The following GBP2 variants were observed in gnomAD, a reference collection of about 807,000 sequenced individuals.
GBP2 encodes the protein guanylate-binding protein 2.
GBP2 carries 54 observed loss-of-function variants against 60.8 expected under a neutral mutation model. The ratio of observed to expected loss-of-function variants is 0.89; its 90% CI spans 0.71 to 1.11. GBP2 has a LOEUF of 1.11. Among genes scored for constraint, GBP2 ranks in the 50% most tolerant of loss-of-function variants. The pLI, the probability that GBP2 is intolerant of heterozygous loss-of-function variation, is 0.00. For synonymous variants in GBP2, 243 were observed against 256.5 expected (o/e 0.95, Z 0.50); for missense variants, 665 against 703.3 (o/e 0.95, Z 0.62).
chr1:89,121,652 C>T, intron 2 of GBP2, 125 bp downstream of exon 2: 1 of 973,668 alleles, frequency 1.0e-6, no homozygotes, highest in East Asian at 2.6e-5. Context: ...GTAAAGAGCC[C>T]ATTAATGGAC....
chr1:89,117,251 T>C lies in GBP2; in HGVS notation c.626-17A>G. ...TATCAGTACCTACAGGAATGAAAAT[T>C]AGAAGTAGTAAAACTTCAAATTAAT... is the stretch of plus-strand genomic sequence containing the variant. On this transcript the variant is annotated splice_polypyrimidine_tract_variant and intron_variant, in intron 5 of 10. Coordinates refer to ENST00000370466, the MANE Select transcript of GBP2 (RefSeq NM_004120.5). 6.3e-7 allele frequency: 1 copy of C among 1,596,036 alleles called. No individual in the cohort carries two copies. Among genetic ancestry groups the C allele is most frequent in the Non-Finnish European group, 8.6e-7 (1 of 1,164,822 alleles).
At position 89,114,292 on chromosome 1, in the gene GBP2, T is replaced by C. The variant is rs780318939; in HGVS notation, c.873A>G (p.Leu291=). 2 of 1,611,398 alleles carry C rather than the reference T, an allele frequency of 1.2e-6. No individual in the cohort carries two copies. The highest frequency in any genetic ancestry group is 2.2e-5 in the East Asian group (1 of 44,830). ...SGGIPVNGPR[L]ESLVLTYVNA... is the part of the protein sequence containing the mutation. ...TGACGTAGGTCAGCACCAGGCTCTC[T>C]AGACCTGCAAAAGGGAATTTTTAAA... Residue 291 remains leucine, a synonymous_variant, in exon 7 of 11, where the codon CTA becomes CTG. Coordinates refer to ENST00000370466, the MANE Select transcript of GBP2 (RefSeq NM_004120.5).
At chr1:89,108,646 AAGAT>A (rs1002558884) in intron 10 of GBP2, among the ~76,000 whole-genome samples, 5 of 152,148 alleles carry the variant, frequency 3.3e-5, no homozygotes, top group African/African-American at 1.2e-4. Context: ...GAAGGTATGA[AAGAT>A]AGATGATTTC....
intron 1 of GBP2, 74 bp from the exon 2 acceptor site, chr1:89,122,057 G>A (rs2100620636): frequency 8.9e-7 from 1 of 1,121,662 alleles, no homozygotes; most frequent in East Asian, 2.8e-5. Context: ...TACAATATGG[G>A]TTAAATTTTT....
Position 89,117,666 on chromosome 1 carries a change from G to A in GBP2, c.536C>T (p.Thr179Ile). The A allele has an allele frequency of 6.2e-7, 1 of 1,614,012 alleles. No individual in the cohort carries two copies. Among genetic ancestry groups the A allele is most frequent in the Non-Finnish European group, 8.5e-7 (1 of 1,179,910 alleles). Residue 179 changes from threonine to isoleucine, a missense_variant, in exon 5 of 11, where the codon ACT (threonine) becomes ATT (isoleucine). Physicochemically the swap from Thr to Ile is moderately conservative, Grantham distance 89 (BLOSUM62 -1). Transcript: ENST00000370466. ...CAGTTCCAGGGTGAAATCTCTGAGA[G>A]TCCACACAAATGCTGGAAAAAAGCT... ...FVSFFPAFVW[T>I]LRDFTLELEV... is the part of the protein sequence containing the mutation.
At chr1:89,119,203 A>T (rs1681345599) in intron 4 of GBP2, 2 of 152,234 alleles carry the variant, frequency 1.3e-5, no homozygotes, top group South Asian at 4.1e-4. Context: ...GTATTCTAAT[A>T]GGAACCAATT....
chr1:89,112,843 T>C, intron 7 of GBP2, 159 bp from the exon 8 acceptor site: 1 of 605,150 alleles, frequency 1.7e-6, no homozygotes, highest in Non-Finnish European at 2.9e-6. Flanking sequence ...CCCTAAGTTG[T>C]GCTTATTGCA....
chr1:89,124,847 A>C (rs1048453456), intron 1 of GBP2, among the ~76,000 whole-genome samples: 1 of 152,220 alleles, frequency 6.6e-6, no homozygotes, highest in Non-Finnish European at 1.5e-5. Context: ...TCTGTGTTTT[A>C]AGACTGATTC....
rs749235709 is a variant in GBP2 at position 89,109,886 on chromosome 1, A to C, written c.1466-16T>G. ...ATACGTTCCACTGTGGAAGAAAAAT[A>C]AGCAGAAAAAGATATGAATATTCAA... On this transcript the variant is annotated splice_polypyrimidine_tract_variant and intron_variant, in intron 9 of 10. Coordinates refer to ENST00000370466, the MANE Select transcript of GBP2 (RefSeq NM_004120.5). 1.2e-6 allele frequency: 2 copies of C among 1,600,130 alleles called. No homozygotes were observed. Among genetic ancestry groups the C allele is most frequent in the Non-Finnish European group, 1.7e-6 (2 of 1,172,820 alleles).
Position 89,117,012 on chromosome 1 carries a change from C to G in GBP2, c.848G>C (p.Gly283Ala). The part of the protein sequence containing the change: ...SHSNVKTLSG[G>A]IPVNGPRLES... ...CTCACGAGGCCCATTGACTGGAATG[C>G]CACCTGAAAGAGTCTTGACATTGGA... The change falls in exon 6 of 11, where the codon GGC (glycine) becomes GCC (alanine). Residue 283 changes from glycine to alanine, a missense_variant. Physicochemically the swap from Gly to Ala is moderately conservative, Grantham distance 60. Transcript: ENST00000370466. 1 of 1,613,862 alleles carries G rather than the reference C, an allele frequency of 6.2e-7. No homozygotes were observed. The highest frequency in any genetic ancestry group is 1.3e-5 in the African/African-American group (1 of 74,986).
At chr1:89,114,411 A>G (rs1681227359) in intron 6 of GBP2, 115 bp from the exon 7 acceptor site, 2 of 1,221,754 alleles carry the variant, frequency 1.6e-6, no homozygotes, top group South Asian at 3.1e-5. Context: ...TGGATAAAGA[A>G]TAGTAATGGA....
intron 8 of GBP2, among the ~76,000 whole-genome samples, chr1:89,111,354 A>C (rs1190116105): frequency 6.6e-6 from 1 of 152,214 alleles, no homozygotes; most frequent in African/African-American, 2.4e-5. Context: ...TTGGAAATGA[A>C]GAAGACAAAC....
rs1681301887 is a variant in GBP2 at position 89,117,517 on chromosome 1, G to A, written c.625+60C>T. 1.2e-5 allele frequency: 16 copies of A among 1,382,412 alleles called. No individual in the cohort carries two copies. The South Asian group carries it at 1.7e-4, about 15-fold the overall frequency. 85.6% of individuals were successfully genotyped at this position (1,382,412 alleles called of 1,614,324 possible). ...ATAATTTTTAGCACTGCACAGAAAT[G>A]GTTATTTTGATATTATTTGCTCTCT... On this transcript the variant is annotated intron_variant, in intron 5 of 10. Transcript: ENST00000370466.
At chr1:89,125,169 C>A (rs1681494916) in intron 1 of GBP2, among the ~76,000 whole-genome samples, 1 of 152,146 alleles carries the variant, frequency 6.6e-6, no homozygotes, top group African/African-American at 2.4e-5. Flanking sequence ...CTTTAACAAA[C>A]AATCATAGAC....
Position 89,107,394 on chromosome 1 carries a change from T to C in GBP2, c.*781A>G, listed in dbSNP as rs1039025075. On this transcript the variant is annotated 3_prime_UTR_variant, in exon 11 of 11. Coordinates refer to ENST00000370466, the MANE Select transcript of GBP2 (RefSeq NM_004120.5). ...TTCTGTGATTGTAGAAGTTATTTTCTAAACTTCAGGAAAGAGAAAAGACTA... is the reference window on the plus strand; with the variant it reads ...TTCTGTGATTGTAGAAGTTATTTTCCAAACTTCAGGAAAGAGAAAAGACTA... Among the ~76,000 whole-genome samples the C allele has an allele frequency of 4.6e-5, 7 of 152,282 alleles. No individual in the cohort carries two copies. The highest frequency in any genetic ancestry group is 1.7e-4 in the African/African-American group (7 of 41,560).
At chr1:89,118,502 A>G (rs1681328506) in intron 4 of GBP2, 1 of 152,214 alleles carries the variant, frequency 6.6e-6, no homozygotes, top group Non-Finnish European at 1.5e-5. Context: ...TAGAAAGTTA[A>G]TGGGAAGTCA....
chr1:89,118,259 G>A (rs1217426543), intron 4 of GBP2: 7 of 152,958 alleles, frequency 4.6e-5, no homozygotes, highest in African/African-American at 1.7e-4. Flanking sequence ...AATTATCTCT[G>A]ACATTGTAGT....
chr1:89,122,899 C>G (rs1681431121), intron 1 of GBP2, among the ~76,000 whole-genome samples: 1 of 152,170 alleles, frequency 6.6e-6, no homozygotes, highest in South Asian at 2.1e-4. Context: ...TATTAGAGTT[C>G]TAATGTGAGC....
chr1:89,119,021 T>C (rs1005762413), intron 4 of GBP2: 4 of 152,210 alleles, frequency 2.6e-5, no homozygotes, highest in African/African-American at 7.2e-5. Context: ...ATAAACATAT[T>C]GGTGCTACTG....
Sources: allele counts gnomAD v4.1 joint callset (sites outside exome capture counted in the v4.1 genomes callset), GRCh38; gene constraint gnomAD v4.1.1; transcripts MANE v1.5; gene names NCBI Gene and HGNC (gene_info 2026-07-23, HGNC 2026-07-21).